The following MAP3K13 variants were observed in gnomAD, a reference collection of about 807,000 sequenced individuals.
MAP3K13 encodes the protein mitogen-activated protein kinase kinase kinase 13.
MAP3K13 carries 52 observed loss-of-function variants against 104.0 expected under a neutral mutation model. That is an observed-to-expected ratio of 0.50 (90% CI 0.40 to 0.63). MAP3K13 has a LOEUF of 0.63. MAP3K13 is among the 20% of genes least tolerant of loss of function. The pLI, the probability that MAP3K13 is intolerant of heterozygous loss-of-function variation, is 0.00. For synonymous variants in MAP3K13, 394 were observed against 442.2 expected, an observed-to-expected ratio of 0.89 and a Z score of 1.37; for missense variants, 914 against 1,218.5, an observed-to-expected ratio of 0.75 and a Z score of 3.72.
At chr3:185,309,823 GT>G (rs1721434609) in intron 2 of MAP3K13, among the ~76,000 whole-genome samples, 1 of 152,074 alleles carries the variant, frequency 6.6e-6, no homozygotes, top group Admixed American at 6.5e-5. Context: ...GAGGGTTTTT[GT>G]TTTGTTTTGT....
At chr3:185,333,892 A>C (rs1560052130) in intron 2 of MAP3K13, among the ~76,000 whole-genome samples, 2 of 152,136 alleles carry the variant, frequency 1.3e-5, no homozygotes, top group Non-Finnish European at 2.9e-5. Context: ...TGTGTCTACA[A>C]AAAATACAAA....
At chr3:185,410,761 C>A (rs964274365) in intron 1 of MAP3K13, among the ~76,000 whole-genome samples, 1 of 151,936 alleles carries the variant, frequency 6.6e-6, no homozygotes, top group Non-Finnish European at 1.5e-5. Context: ...ATGGAGAAAC[C>A]CCGTCTCTAC....
intron 12 of MAP3K13, among the ~76,000 whole-genome samples, chr3:185,478,086 C>T (rs1718233093): frequency 6.6e-6 from 1 of 152,182 alleles, no homozygotes; most frequent in African/African-American, 2.4e-5. Flanking sequence ...CAGTCCATAG[C>T]ATTCCCCATG....
rs545297785 is a variant in MAP3K13 at position 185,329,154 on chromosome 3, G to T, written c.-86+43511G>T. 149 of 698,124 alleles carry T rather than the reference G, an allele frequency of 2.1e-4. 2 individuals are homozygous for T. Among genetic ancestry groups the T allele is most frequent in the South Asian group, 2.1e-3 (142 of 66,988 alleles). The allele number at this position is 698,124 out of a possible 1,614,324, so 43.2% of individuals were successfully genotyped here. A position where few individuals can be genotyped will look rare whatever the true frequency, so the allele number is the denominator to read the frequency against. ...TTAATGGAAAAGAAAGCCGTGAGGT[G>T]TATCAGCAAGTGTGCTGCTAAAACA... is the stretch of plus-strand genomic sequence containing the variant. On this transcript the variant is annotated intron_variant, in intron 2 of 14. Transcript: ENST00000424227.
intron 1 of MAP3K13, among the ~76,000 whole-genome samples, chr3:185,391,410 C>G (rs1712045938): frequency 6.6e-6 from 1 of 152,182 alleles, no homozygotes; most frequent in African/African-American, 2.4e-5. Flanking sequence ...CACTTCCTTT[C>G]TTTTTAAGGC....
chr3:185,376,133 A>G (rs971760520), intron 1 of MAP3K13, among the ~76,000 whole-genome samples: 2 of 152,104 alleles, frequency 1.3e-5, no homozygotes, highest in Non-Finnish European at 2.9e-5. Context: ...AATGGAGTGG[A>G]TGTCAGGTGG....
intron 2 of MAP3K13, chr3:185,292,302 C>T (rs1292417393): frequency 6.9e-6 from 1 of 145,968 alleles, no homozygotes; most frequent in East Asian, 2.0e-4. Context: ...GAGACTCCGT[C>T]TAAAAAAAAA....
At chr3:185,285,559 A>G in exon 2 of MAP3K13, 1 of 1,486,282 alleles carries the variant, frequency 6.7e-7, no homozygotes. Context: ...AATGGACTTC[A>G]TTTAAAGAAA....
intron 1 of MAP3K13, among the ~76,000 whole-genome samples, chr3:185,390,182 G>A (rs984830552): frequency 1.2e-4 from 19 of 152,206 alleles, no homozygotes; most frequent in Admixed American, 1.0e-3. Flanking sequence ...GCACCATTGC[G>A]TAGGGTGTGA....
chr3:185,300,597 A>G (rs1721071347), intron 2 of MAP3K13, among the ~76,000 whole-genome samples: 2 of 152,040 alleles, frequency 1.3e-5, no homozygotes, highest in African/African-American at 4.8e-5. Flanking sequence ...GGTTCAAGCA[A>G]TTATTCTGCC....
rs1324534646 is a variant in MAP3K13, at chr3:185,466,776, T to C, written c.1506-50T>C. The stretch of plus-strand genomic sequence containing the variant: ...TTAGCCGGTGAAAATATTCTGCCTA[T>C]CCTTTCTGTCTGCAATGACTGAGGT... On this transcript the variant is annotated intron_variant, in intron 9 of 13. Transcript: ENST00000265026. 13 of 1,608,980 alleles carry C rather than the reference T, an allele frequency of 8.1e-6. No homozygotes were observed. The East Asian group carries it at 2.9e-4, about 36-fold the overall frequency.
chr3:185,307,431 G>C (rs1455635864), intron 2 of MAP3K13, among the ~76,000 whole-genome samples: 1 of 151,314 alleles, frequency 6.6e-6, no homozygotes, highest in African/African-American at 2.4e-5. Flanking sequence ...ATTCTTAATG[G>C]GTTTGCTGAT....
chr3:185,408,083 G>A (rs531836672), intron 1 of MAP3K13, among the ~76,000 whole-genome samples: 2 of 151,960 alleles, frequency 1.3e-5, no homozygotes, highest in East Asian at 3.9e-4. Context: ...GGGCAGAGCA[G>A]AGATAAAATG....
intron 2 of MAP3K13, among the ~76,000 whole-genome samples, chr3:185,312,488 A>G (rs1186859313): frequency 6.6e-6 from 1 of 152,234 alleles, no homozygotes; most frequent in Admixed American, 6.5e-5. Context: ...GGAAGGATTC[A>G]TATTATCTTG....
intron 4 of MAP3K13, among the ~76,000 whole-genome samples, chr3:185,446,917 AC>A (rs1169997708): frequency 6.6e-6 from 1 of 152,204 alleles, no homozygotes; most frequent in Non-Finnish European, 1.5e-5. Flanking sequence ...GATTGTTATT[AC>A]AGGTCTATCA....
rs146538316 is a variant in MAP3K13 at position 185,297,890 on chromosome 3, C to G, written c.-86+12247C>G. On this transcript the variant is annotated intron_variant, in intron 2 of 14. Coordinates refer to the MAP3K13 transcript ENST00000424227. ...TAAGAGCTACTCTCTCTCTCTCTCT[C>G]TGTGTGCATACAATTAATAGATATT... 2.2e-3 allele frequency among the ~76,000 whole-genome samples: 328 copies of G among 151,862 alleles called. 2 individuals carry two copies. The highest frequency in any genetic ancestry group is 7.2e-3 in the African/African-American group (300 of 41,472).
At chr3:185,287,001 G>A (rs555271746) in intron 2 of MAP3K13, among the ~76,000 whole-genome samples, 1 of 152,210 alleles carries the variant, frequency 6.6e-6, no homozygotes, top group South Asian at 2.1e-4. Flanking sequence ...GGACTATTTA[G>A]AAGAAGTAGG....
At position 185,428,754 on chromosome 3, in the gene MAP3K13, A is replaced by G; in HGVS notation, c.173A>G (p.Glu58Gly). 6.2e-7 allele frequency: 1 copy of G among 1,614,214 alleles called. No individual in the cohort carries two copies. The highest frequency in any genetic ancestry group is 1.3e-5 in the African/African-American group (1 of 75,060). ...GGGATGGTACGAACAGAGCTAATCGAGAGCGTGCACAGCCCCGTCACCACA... is the reference window on the plus strand; with the variant it reads ...GGGATGGTACGAACAGAGCTAATCGGGAGCGTGCACAGCCCCGTCACCACA... ...EKGMVRTELI[E>G]SVHSPVTTTV... is the part of the protein sequence containing the mutation. Residue 58 changes from glutamate (E) to glycine (G), a missense_variant, in exon 2 of 14, where the codon GAG (glutamate) becomes GGG (glycine). By Grantham distance (98) the Glu-to-Gly change is moderately conservative (BLOSUM62 -2). This residue lies in a region of MAP3K13 where 156 missense variants were observed against 159.8 expected (regional missense o/e 0.98). Coordinates refer to ENST00000265026, the MANE Select transcript of MAP3K13 (RefSeq NM_004721.5).
intron 2 of MAP3K13, among the ~76,000 whole-genome samples, chr3:185,342,665 G>T (rs575694454): frequency 6.6e-6 from 1 of 152,274 alleles, no homozygotes; most frequent in South Asian, 2.1e-4. Context: ...TTTATTAGGT[G>T]CTTTTTGTAA....
Sources: allele counts gnomAD v4.1 joint callset (sites outside exome capture counted in the v4.1 genomes callset), GRCh38; gene constraint gnomAD v4.1.1; regional missense constraint gnomAD v4.1.1; transcripts MANE v1.5; gene names NCBI Gene and HGNC (gene_info 2026-07-23, HGNC 2026-07-21).